BPIFA3: variants seen among roughly 807,000 people sequenced by gnomAD.
BPIFA3 encodes the protein BPI fold-containing family A member 3.
A neutral mutation model predicts 29.7 loss-of-function variants in BPIFA3; 32 were observed. The ratio of observed to expected loss-of-function variants is 1.08; its 90% CI spans 0.81 to 1.45. The LOEUF is 1.45. BPIFA3 is among the 40% of genes most tolerant of loss of function. The pLI, the probability that BPIFA3 is intolerant of heterozygous loss-of-function variation, is 0.00. For synonymous variants in BPIFA3, 112 were observed against 113.7 expected (o/e 0.98, Z 0.10); for missense variants, 323 against 311.3 (o/e 1.04, Z -0.28).
intron 1 of BPIFA3, among the ~76,000 whole-genome samples, chr20:33,220,588 C>T (rs778139610): frequency 3.3e-5 from 5 of 151,990 alleles, no homozygotes; most frequent in Non-Finnish European, 7.4e-5. Flanking sequence ...AACATGATTC[C>T]CAGAGAATTT....
rs367878582 is a variant in BPIFA3 at position 33,227,551 on chromosome 20, T to C, written c.699T>C (p.Ala233=). The change falls in exon 7 of 7, where the codon GCT becomes GCC. Residue 233 remains alanine (A), a synonymous_variant. Transcript: ENST00000375454. ...TTCTCCTTACAGAACAGGAGGCTGC[T>C]CATGAACCAACCCACCATGAAACCA... ...LLKSLIEQEA[A]HEPTHHETSQ... 3.1e-6 allele frequency: 5 copies of C among 1,613,930 alleles called. No homozygotes were observed. The African/African-American group carries it at 6.7e-5, about 22-fold the overall frequency.
chr20:33,225,347 G>T, intron 4 of BPIFA3, 100 bp downstream of exon 4: 1 of 1,524,018 alleles, frequency 6.6e-7, no homozygotes. Context: ...GTCCAAAGCA[G>T]ATCTCATCCT....
Position 33,224,462 on chromosome 20 carries a change from C to T in BPIFA3, c.386C>T (p.Pro129Leu), listed in dbSNP as rs749784472. ...ISLEFDLELR[P>L]SFDNNIVKMC... ...CTTGAATTTGACCTTGAATTGAGAC[C>T]GTGAGTCATACAGAAGCAGAATCTG... is the stretch of plus-strand genomic sequence containing the variant. Residue 129 changes from proline (P) to leucine (L), a missense_variant and splice_region_variant, in exon 3 of 7, where the codon CCG becomes CTG. By Grantham distance (98) the Pro-to-Leu change is moderately conservative (BLOSUM62 -3). Transcript: ENST00000375454. 6.2e-6 allele frequency: 10 copies of T among 1,608,130 alleles called. No homozygotes were observed. Among genetic ancestry groups the T allele is most frequent in the African/African-American group, 2.7e-5 (2 of 74,756 alleles).
Position 33,226,480 on chromosome 20 carries a change from TAG to T in BPIFA3, c.613_614del (p.Glu205LysfsTer9). 6.2e-7 allele frequency: 1 copy of T among 1,606,130 alleles called. No homozygotes were observed. Among genetic ancestry groups the T allele is most frequent in the Non-Finnish European group, 8.5e-7 (1 of 1,174,582 alleles). On this transcript the variant is annotated frameshift_variant, in exon 5 of 7. Transcript: ENST00000375454. LOFTEE classifies it high-confidence loss of function. Reference sequence around the variant, plus strand: ...CTGCAAAAAGTTCTCCCACACATGGTAGAAAGTCAGGTAAGTTTAGAAAAAAC... The same window carrying T: ...CTGCAAAAAGTTCTCCCACACATGGTAAAGTCAGGTAAGTTTAGAAAAAAC...
intron 4 of BPIFA3, chr20:33,225,459 T>A (rs567042330): frequency 9.8e-6 from 6 of 609,504 alleles, no homozygotes; most frequent in Non-Finnish European, 1.7e-5. Flanking sequence ...AAGCCCATCA[T>A]CACAAGTTCC....
chr20:33,225,289 C>G, intron 4 of BPIFA3, 42 bp downstream of exon 4: 3 of 1,610,880 alleles, frequency 1.9e-6, no homozygotes, highest in Non-Finnish European at 2.5e-6. Context: ...GGCCTCCTTC[C>G]TGATGAGCCC....
intron 1 of BPIFA3, among the ~76,000 whole-genome samples, chr20:33,222,389 G>A (rs2059406440): frequency 1.3e-5 from 2 of 152,202 alleles, no homozygotes. Context: ...TGGGTCATGT[G>A]CCAACTTTGA....
Position 33,227,740 on chromosome 20 carries a change from A to C in BPIFA3, c.*123A>C. 3 of 778,758 alleles carry C rather than the reference A, an allele frequency of 3.9e-6. No individual in the cohort carries two copies. The highest frequency in any genetic ancestry group is 6.3e-6 in the Non-Finnish European group (3 of 473,648). 48.2% of individuals were successfully genotyped at this position (778,758 alleles called of 1,614,324 possible). On this transcript the variant is annotated 3_prime_UTR_variant, in exon 7 of 7. Coordinates refer to ENST00000375454, the MANE Select transcript of BPIFA3 (RefSeq NM_178466.5). Reference sequence around the variant, plus strand: ...GACATACCATCCTCTCCTACAATAAACTCTAGCTCTGAAGGGTGCACAGGT... The same window carrying C: ...GACATACCATCCTCTCCTACAATAACCTCTAGCTCTGAAGGGTGCACAGGT...
intron 2 of BPIFA3, 42 bp from the exon 3 acceptor site, chr20:33,224,313 A>C: frequency 6.5e-7 from 1 of 1,527,634 alleles, no homozygotes; most frequent in Middle Eastern, 1.7e-4. Flanking sequence ...CCTGTTCTGA[A>C]GTCCCTCACC....
Position 33,227,617 on chromosome 20 carries a change from A to G in BPIFA3, c.765A>G (p.Ter255TrpextTer14), listed in dbSNP as rs368201209. 6 of 1,613,184 alleles carry G rather than the reference A, an allele frequency of 3.7e-6. No individual in the cohort carries two copies. The highest frequency in any genetic ancestry group is 1.7e-5 in the Admixed American group (1 of 60,004). The stretch of plus-strand genomic sequence containing the variant: ...GCCAGGCTGGAGAGTCCCCCAGCTG[A>G]CTTCTGCTGATCAGAAGGAAAGTCC... ...SACQAGESPS* is the reference protein window; with the variant it reads ...SACQAGESPSW The change falls in exon 7 of 7, where the codon TGA becomes TGG. Residue 255 changes from the stop codon to tryptophan (W), a stop_lost. Transcript: ENST00000375454.
chr20:33,225,505 T>C, intron 4 of BPIFA3: 1 of 491,802 alleles, frequency 2.0e-6, no homozygotes, highest in East Asian at 3.4e-5. Flanking sequence ...AGCTTCTCTC[T>C]TTTATCTCCA....
chr20:33,221,213 G>C (rs944215424), intron 1 of BPIFA3, among the ~76,000 whole-genome samples: 1 of 151,002 alleles, frequency 6.6e-6, no homozygotes, highest in Non-Finnish European at 1.5e-5. Flanking sequence ...ACAGTGGCGG[G>C]ATCTCAGCTC....
Position 33,223,937 on chromosome 20 carries a change from A to C in BPIFA3, c.254A>C (p.Lys85Thr). The change falls in exon 2 of 7, where the codon AAA (lysine) becomes ACA (threonine). Residue 85 changes from lysine (K) to threonine (T), a missense_variant. Physicochemically the swap from Lys to Thr is moderately conservative, Grantham distance 78. Coordinates refer to ENST00000375454, the MANE Select transcript of BPIFA3 (RefSeq NM_178466.5). ...GLVGWLISGR[K>T]HQQQQESSIN... is the part of the protein sequence containing the mutation. ...GTGGGCTGGCTAATCAGCGGCAGGA[A>C]ACACCAGCAGCAGCAAGAGAGCAGG... The C allele has an allele frequency of 6.2e-7, 1 of 1,614,150 alleles. No individual in the cohort carries two copies.
At chr20:33,226,342 C>T (rs1985776709) in intron 4 of BPIFA3, 64 bp from the exon 5 acceptor site, 2 of 1,185,222 alleles carry the variant, frequency 1.7e-6, no homozygotes, top group East Asian at 4.7e-5. Flanking sequence ...TCAACACATA[C>T]CTCCTGGCTT....
Position 33,226,507 on chromosome 20 carries a change from C to T in BPIFA3, c.621+17C>T. On this transcript the variant is annotated intron_variant, in intron 5 of 6. Coordinates refer to ENST00000375454, the MANE Select transcript of BPIFA3 (RefSeq NM_178466.5). Reference sequence around the variant, plus strand: ...GAAAGTCAGGTAAGTTTAGAAAAAACTTTGCATCTTGAGCATCCTTGAGTC... The same window carrying T: ...GAAAGTCAGGTAAGTTTAGAAAAAATTTTGCATCTTGAGCATCCTTGAGTC... 1.3e-6 allele frequency: 2 copies of T among 1,564,484 alleles called. No homozygotes were observed. The highest frequency in any genetic ancestry group is 1.1e-5 in the South Asian group (1 of 88,718).
intron 3 of BPIFA3, 24 bp from the exon 4 acceptor site, chr20:33,225,074 C>T (rs769222408): frequency 5.6e-6 from 9 of 1,609,880 alleles, no homozygotes; most frequent in Non-Finnish European, 6.8e-6. Context: ...CTTGCCCTTC[C>T]TCCTCTTCCT....
At chr20:33,224,880 A>C (rs1985702975) in intron 3 of BPIFA3, among the ~76,000 whole-genome samples, 2 of 152,134 alleles carry the variant, frequency 1.3e-5, no homozygotes, top group Admixed American at 1.3e-4. Context: ...TGAATTTCCA[A>C]AGGCCTATTT....
At chr20:33,227,429 C>A in intron 6 of BPIFA3, 109 bp from the exon 7 acceptor site, 1 of 894,098 alleles carries the variant, frequency 1.1e-6, no homozygotes, top group Non-Finnish European at 1.8e-6. Flanking sequence ...TTCACGTGAA[C>A]GCTCCCGGCA....
chr20:33,223,750 C>T, intron 1 of BPIFA3, 61 bp from the exon 2 acceptor site: 9 of 1,562,610 alleles, frequency 5.8e-6, no homozygotes, highest in Non-Finnish European at 7.0e-6. Context: ...GCCTCCGAAT[C>T]CCAAGCCCCC....
Sources: allele counts gnomAD v4.1 joint callset (sites outside exome capture counted in the v4.1 genomes callset), GRCh38; gene constraint gnomAD v4.1.1; transcripts MANE v1.5; gene names NCBI Gene and HGNC (gene_info 2026-07-23, HGNC 2026-07-21).